GSG1L: variants seen among roughly 807,000 people sequenced by gnomAD.
The protein encoded by GSG1L is GSG1 like.
Under a neutral mutation model 42.1 loss-of-function variants are expected in GSG1L, and 24 were observed. The ratio of observed to expected loss-of-function variants is 0.57; its 90% CI spans 0.41 to 0.80. The LOEUF is 0.80. Among genes scored for constraint, GSG1L ranks in the 30% least tolerant of loss-of-function variants. The pLI is 0.00. For synonymous variants in GSG1L, 215 were observed against 203.5 expected (o/e 1.06, Z -0.48); for missense variants, 445 against 472.2 (o/e 0.94, Z 0.53).
intron 3 of GSG1L, among the ~76,000 whole-genome samples, chr16:27,881,305 G>A (rs960399795): frequency 2.8e-5 from 4 of 144,380 alleles, no homozygotes; most frequent in Middle Eastern, 3.7e-3. Context: ...GCAGCTGTGC[G>A]ATCTCGGTTC....
intron 2 of GSG1L, among the ~76,000 whole-genome samples, chr16:27,958,231 C>T (rs768010983): frequency 3.3e-5 from 5 of 151,564 alleles, no homozygotes; most frequent in Non-Finnish European, 7.4e-5. Flanking sequence ...TTGGTGAAAC[C>T]CTGTCTCTAC....
At chr16:27,855,750 G>A (rs1002746433) in intron 3 of GSG1L, among the ~76,000 whole-genome samples, 6 of 150,130 alleles carry the variant, frequency 4.0e-5, no homozygotes, top group East Asian at 2.0e-4. Flanking sequence ...AGAGACCAAC[G>A]GAACAGACAT....
At chr16:28,034,125 A>G (rs976604357) in intron 1 of GSG1L, among the ~76,000 whole-genome samples, 3 of 144,834 alleles carry the variant, frequency 2.1e-5, no homozygotes, top group Middle Eastern at 3.5e-3. Flanking sequence ...AACACATCCC[A>G]TCCCATCCCA....
Position 28,063,217 on chromosome 16 carries a change from C to CGGCGGCGGG in GSG1L, c.199_207dup (p.Pro67_Ala69dup), listed in dbSNP as rs1329416855. 72 of 1,261,058 alleles carry CGGCGGCGGG rather than the reference C, an allele frequency of 5.7e-5. No individual in the cohort carries two copies. The highest frequency in any genetic ancestry group is 2.5e-4 in the South Asian group (9 of 35,692). 78.1% of individuals were successfully genotyped at this position (1,261,058 alleles called of 1,614,324 possible). On this transcript the variant is annotated inframe_insertion, in exon 1 of 7. Coordinates refer to ENST00000447459, the MANE Select transcript of GSG1L (RefSeq NM_001109763.2). This position sits in a 1 kb window ranked among gnomAD's most constrained non-coding sequence, Gnocchi z 5.8. ...CCCGAGGCGGTGGCGGCGGCGGCGG[C>CGGCGGCGGG]GGCGGCGGGGGCGGCGGTGCCGTTG...
At chr16:27,915,587 G>A (rs1255372934) in intron 2 of GSG1L, among the ~76,000 whole-genome samples, 1 of 152,164 alleles carries the variant, frequency 6.6e-6, no homozygotes, top group Non-Finnish European at 1.5e-5. Flanking sequence ...AGGTGCTGGG[G>A]ACATAGCTAC....
rs1330510436 is a variant in GSG1L, at chr16:28,040,856, C to G, written c.349+22220G>C. Among the ~76,000 whole-genome samples the G allele has an allele frequency of 6.6e-6, 1 of 152,202 alleles. No individual in the cohort carries two copies. The highest frequency in any genetic ancestry group is 2.4e-5 in the African/African-American group (1 of 41,454). Reference sequence around the variant, plus strand: ...GACACTCCTTTTCCATCCAGTATCCCCATCCCAGACCATCTCTCTGCGTTC... The same window carrying G: ...GACACTCCTTTTCCATCCAGTATCCGCATCCCAGACCATCTCTCTGCGTTC... On this transcript the variant is annotated intron_variant, in intron 1 of 6. Transcript: ENST00000447459. This position sits in a 1 kb window ranked among gnomAD's most constrained non-coding sequence, Gnocchi z 4.1.
At chr16:27,842,184 C>T (rs2083392743) in intron 4 of GSG1L, among the ~76,000 whole-genome samples, 1 of 151,150 alleles carries the variant, frequency 6.6e-6, no homozygotes, top group Admixed American at 6.6e-5. Flanking sequence ...TCGCGCGTGC[C>T]GAATTTCACA....
chr16:27,853,229 T>C (rs2083536461), intron 3 of GSG1L, among the ~76,000 whole-genome samples: 1 of 152,248 alleles, frequency 6.6e-6, no homozygotes. Flanking sequence ...CCCTGTGCCC[T>C]CTGCCCTGGG....
chr16:27,874,493 G>T (rs1489126806), intron 3 of GSG1L, among the ~76,000 whole-genome samples: 1 of 119,600 alleles, frequency 8.4e-6, no homozygotes, highest in Non-Finnish European at 1.6e-5. Context: ...TGTCACCAAG[G>T]CTGGAGTGCA....
At chr16:27,841,302 G>A (rs992809170) in intron 4 of GSG1L, among the ~76,000 whole-genome samples, 8 of 152,170 alleles carry the variant, frequency 5.3e-5, no homozygotes, top group Non-Finnish European at 1.2e-4. Context: ...CTGCCACAGT[G>A]GCCCAGCAGT....
chr16:27,887,592 A>AAGT (rs1277013825), intron 2 of GSG1L, among the ~76,000 whole-genome samples: 11 of 152,204 alleles, frequency 7.2e-5, no homozygotes, highest in African/African-American at 2.7e-4. Context: ...GCCTTTGCAC[A>AAGT]AGTTGTTCCT....
chr16:28,060,104 A>G (rs750017177), intron 1 of GSG1L, among the ~76,000 whole-genome samples: 6 of 152,052 alleles, frequency 3.9e-5, no homozygotes, highest in Non-Finnish European at 8.8e-5. Flanking sequence ...TGAAACACAC[A>G]GAAGGAAAGA....
chr16:27,839,798 A>G (rs1004962076), intron 4 of GSG1L, among the ~76,000 whole-genome samples: 1 of 152,222 alleles, frequency 6.6e-6, no homozygotes, highest in Non-Finnish European at 1.5e-5. Flanking sequence ...AATAAATCCA[A>G]ACTTTTATAA....
intron 4 of GSG1L, among the ~76,000 whole-genome samples, chr16:27,844,204 C>T (rs2083418142): frequency 6.6e-6 from 1 of 152,216 alleles, no homozygotes; most frequent in South Asian, 2.1e-4. Context: ...AGCTGATCCA[C>T]CTGGACTTTC....
At chr16:27,860,747 G>C (rs1029902054) in intron 3 of GSG1L, among the ~76,000 whole-genome samples, 1 of 152,214 alleles carries the variant, frequency 6.6e-6, no homozygotes, top group African/African-American at 2.4e-5. Flanking sequence ...GGGAGTCCAG[G>C]GAGACAGCAG....
chr16:27,870,183 TTC>T (rs563382660), intron 3 of GSG1L, among the ~76,000 whole-genome samples: 8 of 128,506 alleles, frequency 6.2e-5, no homozygotes, highest in African/African-American at 2.1e-4. Context: ...CCCTCTCTCC[TTC>T]TCTCTCTGTC....
At chr16:28,038,371 A>G (rs1022440612) in intron 1 of GSG1L, among the ~76,000 whole-genome samples, 5 of 152,192 alleles carry the variant, frequency 3.3e-5, no homozygotes, top group Admixed American at 1.3e-4. Context: ...AGGCTATGTG[A>G]CATTCCAGGA....
chr16:27,830,174 G>A (rs891392003), intron 4 of GSG1L, among the ~76,000 whole-genome samples: 7 of 152,180 alleles, frequency 4.6e-5, no homozygotes, highest in African/African-American at 1.2e-4. Context: ...CAGGAGTGGG[G>A]TACCTGCCTG....
intron 1 of GSG1L, among the ~76,000 whole-genome samples, chr16:27,968,289 G>A (rs2085157030): frequency 6.6e-6 from 1 of 151,790 alleles, no homozygotes; most frequent in Admixed American, 6.6e-5. Context: ...TTGCCCTGTT[G>A]CCCAGGCTGG....
Sources: gnomAD v4.1 joint callset for allele counts (sites outside exome capture counted in the v4.1 genomes callset) on GRCh38, gnomAD v4.1.1 for gene constraint, Gnocchi (gnomAD v3.1) non-coding constraint, MANE v1.5 for transcripts, NCBI Gene and HGNC (gene_info 2026-07-23, HGNC 2026-07-21) for gene names.